UNC5C: variants seen among roughly 807,000 people sequenced by gnomAD.
UNC5C encodes the protein netrin receptor UNC5C.
Under a neutral mutation model 99.8 loss-of-function variants are expected in UNC5C, and 47 were observed. The observed-to-expected ratio is 0.47, with a 90% CI of 0.37 to 0.60. The LOEUF is 0.60. UNC5C is among the 20% of genes least tolerant of loss of function. The pLI is 0.00. For synonymous variants in UNC5C, 487 were observed against 452.2 expected (o/e 1.08, Z -0.98); for missense variants, 1,062 against 1,165.9 (o/e 0.91, Z 1.30).
chr4:95,337,454 C>G (rs1005217103), intron 1 of UNC5C, among the ~76,000 whole-genome samples: 2 of 151,804 alleles, frequency 1.3e-5, no homozygotes, highest in Non-Finnish European at 2.9e-5. Flanking sequence ...TTCATAGGCA[C>G]TAAAAATTGA....
At chr4:95,349,338 T>TGG (rs1380628640) in intron 1 of UNC5C, among the ~76,000 whole-genome samples, 5 of 132,714 alleles carry the variant, frequency 3.8e-5, no homozygotes, top group Non-Finnish European at 8.4e-5. Flanking sequence ...TGTGTGTGTG[T>TGG]GTGGGTGTGT....
At chr4:95,344,441 C>CA (rs1743694766) in intron 1 of UNC5C, among the ~76,000 whole-genome samples, 1 of 151,704 alleles carries the variant, frequency 6.6e-6, no homozygotes, top group Admixed American at 6.6e-5. Context: ...ACATGAGATG[C>CA]AAAAAGGAGT....
intron 4 of UNC5C, among the ~76,000 whole-genome samples, chr4:95,277,901 C>T (rs1435148197): frequency 2.6e-5 from 4 of 152,190 alleles, no homozygotes; most frequent in African/African-American, 9.6e-5. Context: ...TCTTCTTACA[C>T]TCACATTTTT....
At position 95,438,368 on chromosome 4, in the gene UNC5C, C is replaced by G. The variant is rs117929508; in HGVS notation, c.125-102737G>C. Reference sequence around the variant, plus strand: ...ATTAGAAGAATGAATTCTGGTGGCTCTGGAGCCAAGATAACTTTCTGGGAA... The same window carrying G: ...ATTAGAAGAATGAATTCTGGTGGCTGTGGAGCCAAGATAACTTTCTGGGAA... On this transcript the variant is annotated intron_variant, in intron 1 of 15. Coordinates refer to ENST00000453304, the MANE Select transcript of UNC5C (RefSeq NM_003728.4). Among the ~76,000 whole-genome samples, 32 of 152,150 alleles carry G rather than the reference C, an allele frequency of 2.1e-4. No individual in the cohort carries two copies. In the East Asian group the frequency reaches 2.3e-3, roughly 11 times the overall value.
chr4:95,179,414 T>G (rs1317302685), intron 14 of UNC5C, among the ~76,000 whole-genome samples: 7 of 152,230 alleles, frequency 4.6e-5, no homozygotes, highest in African/African-American at 1.7e-4. Flanking sequence ...TAAAACTTAA[T>G]TATAATTGCT....
At chr4:95,508,260 G>A (rs762960966) in intron 1 of UNC5C, among the ~76,000 whole-genome samples, 3 of 151,992 alleles carry the variant, frequency 2.0e-5, no homozygotes, top group Non-Finnish European at 4.4e-5. Context: ...ATTTTGTTCC[G>A]TTATTCTCTA....
intron 1 of UNC5C, among the ~76,000 whole-genome samples, chr4:95,388,318 G>A (rs562392578): frequency 6.6e-6 from 1 of 152,194 alleles, no homozygotes; most frequent in Non-Finnish European, 1.5e-5. Context: ...CTCATAGAAT[G>A]GTTTTAGAGA....
At chr4:95,501,918 T>A (rs1246911754) in intron 1 of UNC5C, among the ~76,000 whole-genome samples, 1 of 152,180 alleles carries the variant, frequency 6.6e-6, no homozygotes, top group Non-Finnish European at 1.5e-5. Context: ...AAATATTTAT[T>A]TTTTGATTGG....
intron 9 of UNC5C, among the ~76,000 whole-genome samples, chr4:95,218,221 A>T (rs1738333235): frequency 6.6e-6 from 1 of 152,216 alleles, no homozygotes; most frequent in South Asian, 2.1e-4. Flanking sequence ...GGAAGCCATT[A>T]ACCCTTTTAT....
intron 4 of UNC5C, among the ~76,000 whole-genome samples, chr4:95,261,518 A>G (rs17352568): frequency 0.11 from 16,167 of 152,206 alleles, 934 homozygotes; most frequent in Middle Eastern, 0.21. Flanking sequence ...ACTAAATCAT[A>G]TAAAGTTTCC....
intron 1 of UNC5C, among the ~76,000 whole-genome samples, chr4:95,465,968 T>G (rs1275573094): frequency 6.6e-6 from 1 of 152,270 alleles, no homozygotes; most frequent in African/African-American, 2.4e-5. Context: ...CTTTCCAAGG[T>G]ATATAGCGAC....
chr4:95,480,835 A>G (rs1459778216), intron 1 of UNC5C, among the ~76,000 whole-genome samples: 1 of 151,996 alleles, frequency 6.6e-6, no homozygotes, highest in Non-Finnish European at 1.5e-5. Flanking sequence ...CTCTCAATAA[A>G]TTAGGTATTG....
At chr4:95,301,493 C>A (rs747448850) in intron 3 of UNC5C, 113 bp downstream of exon 3, 2 of 1,481,204 alleles carry the variant, frequency 1.4e-6, no homozygotes, top group Non-Finnish European at 1.8e-6. Flanking sequence ...CCGCGCCTGG[C>A]CTTTCCAGGA....
At chr4:95,242,405 T>C (rs776823320) in intron 7 of UNC5C, 24 bp downstream of exon 7, 16 of 1,613,778 alleles carry the variant, frequency 9.9e-6, no homozygotes, top group African/African-American at 1.3e-5. Flanking sequence ...CCTCAATGTC[T>C]GCAGTTTGCT....
intron 1 of UNC5C, among the ~76,000 whole-genome samples, chr4:95,465,754 T>C (rs1016185324): frequency 5.3e-5 from 8 of 151,984 alleles, no homozygotes; most frequent in African/African-American, 1.9e-4. Flanking sequence ...GCAGTCAGGT[T>C]AAAAAAAAGT....
chr4:95,269,410 TCA>T (rs1170322827), intron 4 of UNC5C, among the ~76,000 whole-genome samples: 5 of 152,164 alleles, frequency 3.3e-5, no homozygotes, highest in Non-Finnish European at 5.9e-5. Context: ...TCCTGCCACC[TCA>T]GTTCCTGGAG....
rs1050552956 is a variant in UNC5C, at chr4:95,163,856, G to A, written c.*5378C>T. The A allele has an allele frequency of 3.9e-5, 6 of 152,162 alleles. No homozygotes were observed. The highest frequency in any genetic ancestry group is 1.9e-4 in the East Asian group (1 of 5,184). The allele number at this position is 152,162 out of a possible 1,614,324, so 9.4% of individuals were successfully genotyped here. A position where few individuals can be genotyped will look rare whatever the true frequency, so the allele number is the denominator to read the frequency against. Reference sequence around the variant, plus strand: ...GGACAGGTCCCTTCAGTAGGCAAGCGTCTGAGTAGACAGCAGGCTGATGAA... The same window carrying A: ...GGACAGGTCCCTTCAGTAGGCAAGCATCTGAGTAGACAGCAGGCTGATGAA... On this transcript the variant is annotated 3_prime_UTR_variant, in exon 16 of 16. Coordinates refer to ENST00000453304, the MANE Select transcript of UNC5C (RefSeq NM_003728.4).
intron 3 of UNC5C, among the ~76,000 whole-genome samples, chr4:95,279,452 T>C (rs1036436735): frequency 6.6e-5 from 10 of 152,208 alleles, no homozygotes; most frequent in Non-Finnish European, 1.3e-4. Context: ...CTTCAAGAGA[T>C]AGGTTTAACT....
At chr4:95,201,745 A>G (rs1489451980) in intron 12 of UNC5C, among the ~76,000 whole-genome samples, 1 of 152,022 alleles carries the variant, frequency 6.6e-6, no homozygotes, top group Non-Finnish European at 1.5e-5. Context: ...CTGGGACTAC[A>G]GATGCCTGCC....
Sources: allele counts gnomAD v4.1 joint callset (sites outside exome capture counted in the v4.1 genomes callset), GRCh38; gene constraint gnomAD v4.1.1; transcripts MANE v1.5; gene names NCBI Gene and HGNC (gene_info 2026-07-23, HGNC 2026-07-21).